The following DGLUCY variants were observed in gnomAD, a reference collection of about 807,000 sequenced individuals.
DGLUCY encodes D-glutamate cyclase, mitochondrial.
In DGLUCY, 58 loss-of-function variants were observed where a neutral mutation model predicts 58.5. The ratio of observed to expected loss-of-function variants is 0.99; its 90% CI spans 0.80 to 1.23. DGLUCY has a LOEUF of 1.23. DGLUCY is among the 50% of genes most tolerant of loss of function. DGLUCY has a pLI of 0.00. For synonymous variants in DGLUCY, 325 were observed against 314.1 expected, an observed-to-expected ratio of 1.03 and a Z score of -0.37; for missense variants, 779 against 784.7, an observed-to-expected ratio of 0.99 and a Z score of 0.09.
intron 1 of DGLUCY, among the ~76,000 whole-genome samples, chr14:91,141,188 C>T (rs1214891193): frequency 1.3e-5 from 2 of 151,952 alleles, no homozygotes; most frequent in African/African-American, 2.4e-5. Flanking sequence ...GAGTTCAAGA[C>T]CAGCCTGGCC....
chr14:91,116,874 G>A (rs2044990648), intron 1 of DGLUCY, among the ~76,000 whole-genome samples: 2 of 151,552 alleles, frequency 1.3e-5, no homozygotes, highest in African/African-American at 2.4e-5. Context: ...AACCCAGGAG[G>A]CAGAGGTTGC....
intron 13 of DGLUCY, among the ~76,000 whole-genome samples, chr14:91,223,041 A>G (rs550053327): frequency 5.3e-5 from 8 of 152,322 alleles, no homozygotes; most frequent in Non-Finnish European, 1.2e-4. Flanking sequence ...TTACCTCCCA[A>G]AGACCCCACT....
At chr14:91,111,779 T>A (rs2044706455), upstream of DGLUCY, among the ~76,000 whole-genome samples, 1 of 152,254 alleles carries the variant, frequency 6.6e-6, no homozygotes, top group African/African-American at 2.4e-5. Context: ...ATACAAACAT[T>A]CAGACCATAC....
At chr14:91,223,122 C>T (rs1438970683) in intron 13 of DGLUCY, among the ~76,000 whole-genome samples, 1 of 152,146 alleles carries the variant, frequency 6.6e-6, no homozygotes, top group African/African-American at 2.4e-5. Flanking sequence ...TCCATAACAC[C>T]CTGCCTCCAG....
chr14:91,108,524 TGTGA>T (rs1399305124), intron 1 of DGLUCY, among the ~76,000 whole-genome samples: 650 of 40,530 alleles, frequency 0.016, 1 homozygote, highest in Middle Eastern at 0.034. Flanking sequence ...TGTGTGTGTG[TGTGA>T]GAGAGAGAGA....
chr14:91,170,093 C>T lies in DGLUCY; in HGVS notation c.348C>T (p.Asp116=). The T allele has an allele frequency of 6.2e-7, 1 of 1,612,928 alleles. No homozygotes were observed. Among genetic ancestry groups the T allele is most frequent in the Non-Finnish European group, 8.5e-7 (1 of 1,180,042 alleles). ...SLEQYSEQLK[D]MVAFFLGCSF... ...AGCAGTACTCGGAGCAGCTGAAGGA[C>T]ATGGTGGCCTTCTTCCTGGGCTGCA... Residue 116 remains aspartate (D), a synonymous_variant, in exon 5 of 14, where the codon GAC becomes GAT. Coordinates refer to ENST00000256324, the MANE Select transcript of DGLUCY (RefSeq NM_001102368.3).
chr14:91,225,152 A>C lies in DGLUCY; in HGVS notation c.*319A>C. The C allele has an allele frequency of 5.0e-6, 1 of 200,156 alleles. No homozygotes were observed. The highest frequency in any genetic ancestry group is 1.0e-5 in the Non-Finnish European group (1 of 99,160). The allele number at this position is 200,156 out of a possible 1,614,324, so 12.4% of individuals were successfully genotyped here. A position where few individuals can be genotyped will look rare whatever the true frequency, so the allele number is the denominator to read the frequency against. On this transcript the variant is annotated 3_prime_UTR_variant, in exon 14 of 14. Transcript: ENST00000256324. ...GTGAGAATCTTCTCGACAGTTACTT[A>C]TGGGGACACTTGTGAACAATTAACT...
intron 1 of DGLUCY, among the ~76,000 whole-genome samples, chr14:91,145,727 A>G (rs2046981734): frequency 6.6e-6 from 1 of 152,140 alleles, no homozygotes; most frequent in Non-Finnish European, 1.5e-5. Context: ...ATCTCCTGGA[A>G]CTATCCCAAA....
At chr14:91,201,306 T>C (rs2050539142) in intron 11 of DGLUCY, among the ~76,000 whole-genome samples, 1 of 149,464 alleles carries the variant, frequency 6.7e-6, no homozygotes, top group East Asian at 2.0e-4. Flanking sequence ...ACAGGTAACT[T>C]TTTTTTTTTT....
At chr14:91,060,423 C>G (rs2043617214) in exon 1 of DGLUCY, 16 of 1,496,654 alleles carry the variant, frequency 1.1e-5, no homozygotes, top group Non-Finnish European at 1.3e-5. Flanking sequence ...TGCTGCCACC[C>G]TCCTCCTCCA....
intron 1 of DGLUCY, among the ~76,000 whole-genome samples, chr14:91,135,402 A>G (rs1784251630): frequency 6.6e-6 from 1 of 152,126 alleles, no homozygotes; most frequent in African/African-American, 2.4e-5. Flanking sequence ...ATAATCCCAG[A>G]ACTTTGGGAG....
At position 91,225,440 on chromosome 14, in the gene DGLUCY, G is replaced by A. The variant is rs2140821325; in HGVS notation, c.*607G>A. 1 of 152,250 alleles carries A rather than the reference G, an allele frequency of 6.6e-6. No homozygotes were observed. The highest frequency in any genetic ancestry group is 2.1e-4 in the South Asian group (1 of 4,826). 9.4% of individuals were successfully genotyped at this position (152,250 alleles called of 1,614,324 possible). On this transcript the variant is annotated 3_prime_UTR_variant, in exon 14 of 14. Transcript: ENST00000256324. The stretch of plus-strand genomic sequence containing the variant: ...GGACGTGAATCCTCCCTTTGTCCAG[G>A]GTACCCGTGCTGTCTACACCACCCG...
At chr14:91,133,635 C>G (rs542147709) in intron 1 of DGLUCY, among the ~76,000 whole-genome samples, 1 of 152,110 alleles carries the variant, frequency 6.6e-6, no homozygotes, top group Admixed American at 6.5e-5. Flanking sequence ...GCAATTCTCC[C>G]GTCTCAATCT....
At chr14:91,219,636 G>A (rs1887129709) in intron 13 of DGLUCY, among the ~76,000 whole-genome samples, 1 of 152,214 alleles carries the variant, frequency 6.6e-6, no homozygotes, top group Non-Finnish European at 1.5e-5. Flanking sequence ...TGCTGAGGAG[G>A]CCAGATAAGG....
chr14:91,209,740 A>G, intron 12 of DGLUCY, among the ~76,000 whole-genome samples: 1 of 152,150 alleles, frequency 6.6e-6, no homozygotes, highest in Non-Finnish European at 1.5e-5. Flanking sequence ...ACAGAAAGCA[A>G]AAAACAAACC....
rs2049702828 is a variant in DGLUCY at position 91,189,062 on chromosome 14, G to A, written c.1087G>A (p.Val363Ile). The change falls in exon 9 of 14, where the codon GTT becomes ATT. Residue 363 changes from valine to isoleucine, a missense_variant. Transcript: ENST00000256324. ...PEETDGPPGAVALVAFLQALE... is the reference protein window; with the variant it reads ...PEETDGPPGAIALVAFLQALE... ...AGAGACAGATGGCCCACCAGGAGCT[G>A]TTGCTCTGGTTGCCTTCCTGCAGGC... is the stretch of plus-strand genomic sequence containing the variant. 2.5e-6 allele frequency: 4 copies of A among 1,614,060 alleles called. No homozygotes were observed. Among genetic ancestry groups the A allele is most frequent in the Non-Finnish European group, 3.4e-6 (4 of 1,180,042 alleles).
intron 1 of DGLUCY, among the ~76,000 whole-genome samples, chr14:91,097,294 G>A (rs950003084): frequency 6.6e-6 from 1 of 152,164 alleles, no homozygotes. Context: ...TACTTGGGAG[G>A]CTGAGGTGAG....
intron 1 of DGLUCY, among the ~76,000 whole-genome samples, chr14:91,068,708 T>A (rs1350406555): frequency 6.6e-6 from 1 of 152,072 alleles, no homozygotes; most frequent in African/African-American, 2.4e-5. Flanking sequence ...ATATTTGGAC[T>A]CCCTCTCTCC....
At chr14:91,150,245 C>T (rs1202350494) in intron 1 of DGLUCY, among the ~76,000 whole-genome samples, 1 of 123,942 alleles carries the variant, frequency 8.1e-6, no homozygotes, top group Admixed American at 8.1e-5. Flanking sequence ...AAAAAAAATC[C>T]AGTTTGGCCT....
Sources: allele counts gnomAD v4.1 joint callset (sites outside exome capture counted in the v4.1 genomes callset), GRCh38; gene constraint gnomAD v4.1.1; transcripts MANE v1.5; gene names NCBI Gene and HGNC (gene_info 2026-07-23, HGNC 2026-07-21).